The following ADAMTSL3 variants were observed in gnomAD, a reference collection of about 807,000 sequenced individuals.
The protein encoded by ADAMTSL3 is ADAMTS like 3, also known as ADAMTS-like protein 3.
A neutral mutation model predicts 201.7 loss-of-function variants in ADAMTSL3; 128 were observed. The ratio of observed to expected loss-of-function variants is 0.63; its 90% CI spans 0.55 to 0.73. ADAMTSL3 has a LOEUF of 0.73. Among genes scored for constraint, ADAMTSL3 ranks in the 30% least tolerant of loss-of-function variants. The pLI is 0.00. For synonymous variants in ADAMTSL3, 738 were observed against 748.4 expected (o/e 0.99, Z 0.23); for missense variants, 1,990 against 2,119.6 (o/e 0.94, Z 1.20).
chr15:83,771,313 C>T (rs1000295520), intron 3 of ADAMTSL3, among the ~76,000 whole-genome samples: 10 of 151,934 alleles, frequency 6.6e-5, no homozygotes, highest in Non-Finnish European at 1.0e-4. Context: ...ATGAGATCTA[C>T]CCTTTTAATA....
chr15:83,813,577 T>C (rs1437595453), intron 5 of ADAMTSL3, among the ~76,000 whole-genome samples: 3 of 152,150 alleles, frequency 2.0e-5, no homozygotes, highest in African/African-American at 7.2e-5. Flanking sequence ...GGAAGACATA[T>C]CCAGGCCACG....
chr15:83,757,222 C>T (rs951983156), intron 3 of ADAMTSL3, among the ~76,000 whole-genome samples: 2 of 152,248 alleles, frequency 1.3e-5, no homozygotes, highest in African/African-American at 2.4e-5. Flanking sequence ...CAGAGGTTCT[C>T]CATGAGGGCT....
chr15:83,785,789 T>A (rs1216613451), intron 4 of ADAMTSL3, among the ~76,000 whole-genome samples: 1 of 152,018 alleles, frequency 6.6e-6, no homozygotes, highest in Non-Finnish European at 1.5e-5. Flanking sequence ...TTAATTACTT[T>A]CCTCTTTTTT....
chr15:83,801,651 A>AATATATAT (rs68098545), intron 4 of ADAMTSL3, among the ~76,000 whole-genome samples: 757 of 30,574 alleles, frequency 0.025, 54 homozygotes, highest in Non-Finnish European at 0.038. Context: ...TATAAATATA[A>AATATATAT]ATATATATAT....
rs1018215050 is a variant in ADAMTSL3 at position 83,970,778 on chromosome 15, C to T, written c.2644+141C>T. Reference sequence around the variant, plus strand: ...CTGTACTCAGTGTTGTTTTCGGCAGCGATCAGTAGAACGTGGAAGACCAAG... The same window carrying T: ...CTGTACTCAGTGTTGTTTTCGGCAGTGATCAGTAGAACGTGGAAGACCAAG... On this transcript the variant is annotated intron_variant, in intron 20 of 29. Transcript: ENST00000286744. 7.6e-6 allele frequency: 8 copies of T among 1,058,896 alleles called. No homozygotes were observed. In the African/African-American group the frequency reaches 1.1e-4, roughly 15 times the overall value. 65.6% of individuals were successfully genotyped at this position (1,058,896 alleles called of 1,614,324 possible).
At chr15:83,989,451 G>A (rs976153290) in intron 22 of ADAMTSL3, among the ~76,000 whole-genome samples, 2 of 152,222 alleles carry the variant, frequency 1.3e-5, no homozygotes, top group Non-Finnish European at 2.9e-5. Flanking sequence ...TTAACTGGCA[G>A]TGTTGATATT....
chr15:83,938,934 G>A (rs545230161), intron 17 of ADAMTSL3, among the ~76,000 whole-genome samples: 5 of 152,012 alleles, frequency 3.3e-5, no homozygotes, highest in East Asian at 1.9e-4. Flanking sequence ...TCACCTTCCC[G>A]CCCCCAAGCC....
intron 3 of ADAMTSL3, among the ~76,000 whole-genome samples, chr15:83,748,937 AGTTTAACATGCAAGATG>A (rs1002380620): frequency 6.6e-6 from 1 of 151,966 alleles, no homozygotes; most frequent in Non-Finnish European, 1.5e-5. Flanking sequence ...CCCTGAGAGG[AGTTTAACATGCAAGATG>A]GTTACTTGGG....
chr15:83,882,231 A>C (rs1247512843), intron 9 of ADAMTSL3, among the ~76,000 whole-genome samples: 1 of 152,188 alleles, frequency 6.6e-6, no homozygotes, highest in African/African-American at 2.4e-5. Flanking sequence ...ATTTATTCTC[A>C]TTGGGGAGAT....
Position 83,723,555 on chromosome 15 carries a change from C to T in ADAMTSL3, c.189+19047C>T, listed in dbSNP as rs994390574. 5.3e-5 allele frequency among the ~76,000 whole-genome samples: 8 copies of T among 152,060 alleles called. No individual in the cohort carries two copies. In the East Asian group the frequency reaches 5.8e-4, roughly 11 times the overall value. ...ACCAGAAACAATCTAAATGTTAAAC[C>T]GTAGGGGAATGGCCAAGTAAATTAT... is the stretch of plus-strand genomic sequence containing the variant. On this transcript the variant is annotated intron_variant, in intron 3 of 29. Transcript: ENST00000286744.
chr15:84,006,852 G>A (rs1026595659), intron 23 of ADAMTSL3, among the ~76,000 whole-genome samples: 3 of 152,340 alleles, frequency 2.0e-5, no homozygotes, highest in Admixed American at 2.0e-4. Flanking sequence ...GTGCTGAACA[G>A]ACCTGTGGGG....
At chr15:83,965,139 A>G (rs1007723931) in intron 19 of ADAMTSL3, among the ~76,000 whole-genome samples, 1 of 152,198 alleles carries the variant, frequency 6.6e-6, no homozygotes, top group African/African-American at 2.4e-5. Flanking sequence ...ACCAGCTAGC[A>G]TCATCATGAC....
At position 83,802,676 on chromosome 15, in the gene ADAMTSL3, GC is replaced by G. The variant is rs577808155; in HGVS notation, c.318-1972del. 1.2e-4 allele frequency among the ~76,000 whole-genome samples: 18 copies of G among 152,276 alleles called. No homozygotes were observed. The South Asian group carries it at 3.7e-3, about 32-fold the overall frequency. ...GTAGGGACAAAACCAACCAGTGGTT[GC>G]CAGGAGCTGAGGGTGGGGGAAGAGG... On this transcript the variant is annotated intron_variant, in intron 4 of 29. Coordinates refer to ENST00000286744, the MANE Select transcript of ADAMTSL3 (RefSeq NM_207517.3).
At chr15:83,708,436 A>G (rs1259756629) in intron 3 of ADAMTSL3, among the ~76,000 whole-genome samples, 1 of 152,222 alleles carries the variant, frequency 6.6e-6, no homozygotes, top group Non-Finnish European at 1.5e-5. Context: ...CCAGTAACAC[A>G]TAGCTGTGAT....
chr15:83,802,414 T>A (rs1434896008), intron 4 of ADAMTSL3, among the ~76,000 whole-genome samples: 1 of 152,168 alleles, frequency 6.6e-6, no homozygotes, highest in African/African-American at 2.4e-5. Flanking sequence ...ATGTGAATGT[T>A]TATAGCATTT....
At chr15:83,964,454 C>T (rs2067038335) in intron 19 of ADAMTSL3, among the ~76,000 whole-genome samples, 1 of 151,482 alleles carries the variant, frequency 6.6e-6, no homozygotes, top group Non-Finnish European at 1.5e-5. Context: ...ATGAAATAAG[C>T]ATGAAGAGAA....
intron 2 of ADAMTSL3, among the ~76,000 whole-genome samples, chr15:83,669,058 A>G (rs1163548794): frequency 6.6e-6 from 1 of 152,230 alleles, no homozygotes; most frequent in South Asian, 2.1e-4. Flanking sequence ...GGCAGAGCAA[A>G]TTATACAGCC....
At chr15:83,801,659 T>TATATAAATATAA (rs2063521621) in intron 4 of ADAMTSL3, among the ~76,000 whole-genome samples, 3 of 39,824 alleles carry the variant, frequency 7.5e-5, no homozygotes, top group Non-Finnish European at 1.5e-4. Context: ...TAAATATATA[T>TATATAAATATAA]ATATATATAT....
intron 23 of ADAMTSL3, among the ~76,000 whole-genome samples, chr15:83,994,503 A>G (rs2067641360): frequency 6.6e-6 from 1 of 151,790 alleles, no homozygotes; most frequent in African/African-American, 2.4e-5. Flanking sequence ...ACTTAAAAAT[A>G]TCTACTTTAA....
Sources: allele counts gnomAD v4.1 joint callset (sites outside exome capture counted in the v4.1 genomes callset), GRCh38; gene constraint gnomAD v4.1.1; transcripts MANE v1.5; gene names NCBI Gene and HGNC (gene_info 2026-07-23, HGNC 2026-07-21).